TENM4: variants seen among roughly 807,000 people sequenced by gnomAD.
The protein encoded by TENM4 is teneurin transmembrane protein 4, also known as teneurin-4.
Under a neutral mutation model 243.3 loss-of-function variants are expected in TENM4, and 82 were observed. The observed-to-expected ratio is 0.34, with a 90% CI of 0.28 to 0.40. The LOEUF is 0.40. Among genes scored for constraint, TENM4 ranks in the 10% least tolerant of loss-of-function variants. TENM4 has a pLI of 1.00. For missense variants in TENM4, 3,138 were observed against 3,673.3 expected (o/e 0.85, Z 3.77); for synonymous variants, 1,412 against 1,456.3 (o/e 0.97, Z 0.69).
intron 4 of TENM4, among the ~76,000 whole-genome samples, chr11:79,124,457 C>G (rs1246997194): frequency 6.6e-6 from 1 of 152,086 alleles, no homozygotes. Context: ...TGGATGCTTC[C>G]TGGCCTCAAA....
chr11:78,683,655 A>T (rs972817376), intron 29 of TENM4, among the ~76,000 whole-genome samples: 1 of 142,366 alleles, frequency 7.0e-6, no homozygotes, highest in Non-Finnish European at 1.5e-5. Flanking sequence ...GTGCGCGCAC[A>T]CACTGGCCTG....
chr11:78,746,331 A>G (rs998315691), intron 19 of TENM4, among the ~76,000 whole-genome samples: 1 of 152,236 alleles, frequency 6.6e-6, no homozygotes, highest in Admixed American at 6.5e-5. Flanking sequence ...TAGTGTCTTC[A>G]GGGACCTGAG....
At chr11:79,140,565 T>G (rs1862268135) in intron 4 of TENM4, among the ~76,000 whole-genome samples, 1 of 152,110 alleles carries the variant, frequency 6.6e-6, no homozygotes, top group Admixed American at 6.6e-5. Flanking sequence ...TTCCCTTTTC[T>G]GGGCTGCTCT....
At chr11:78,971,081 AG>A (rs1217197133) in intron 6 of TENM4, among the ~76,000 whole-genome samples, 1 of 152,128 alleles carries the variant, frequency 6.6e-6, no homozygotes, top group East Asian at 1.9e-4. Flanking sequence ...GGCTATTCAC[AG>A]GCACAATCAC....
intron 1 of TENM4, among the ~76,000 whole-genome samples, chr11:79,357,611 C>A (rs1464844747): frequency 6.6e-6 from 1 of 152,214 alleles, no homozygotes; most frequent in Non-Finnish European, 1.5e-5. Flanking sequence ...CTTTGCAGTT[C>A]TCAAAGCATG....
chr11:79,264,239 C>A (rs933619898), intron 2 of TENM4, among the ~76,000 whole-genome samples: 1 of 152,254 alleles, frequency 6.6e-6, no homozygotes, highest in African/African-American at 2.4e-5. Context: ...TCCCAAGCTA[C>A]CCGGGCTCAA....
chr11:78,928,164 G>C (rs902807634), intron 6 of TENM4, among the ~76,000 whole-genome samples: 1 of 152,156 alleles, frequency 6.6e-6, no homozygotes, highest in African/African-American at 2.4e-5. Flanking sequence ...TTACTCTGCA[G>C]CTCTTTAAAC....
intron 1 of TENM4, among the ~76,000 whole-genome samples, chr11:79,343,706 T>C (rs1249538018): frequency 5.3e-5 from 8 of 152,194 alleles, no homozygotes; most frequent in African/African-American, 1.9e-4. Context: ...ATCTCCACTT[T>C]CTTCTCTGTG....
intron 9 of TENM4, among the ~76,000 whole-genome samples, chr11:78,869,229 CA>C (rs569002622): frequency 6.6e-6 from 1 of 151,972 alleles, no homozygotes; most frequent in Non-Finnish European, 1.5e-5. Flanking sequence ...GCAATCATTA[CA>C]AAAAATAACT....
chr11:78,955,760 C>T (rs1857197146), intron 6 of TENM4, among the ~76,000 whole-genome samples: 1 of 152,282 alleles, frequency 6.6e-6, no homozygotes, highest in South Asian at 2.1e-4. Flanking sequence ...TCCTAGAAAG[C>T]CAATGTGGCA....
chr11:79,338,991 C>T (rs1318302), intron 1 of TENM4, among the ~76,000 whole-genome samples: 10,209 of 152,224 alleles, frequency 0.067, 392 homozygotes, highest in African/African-American at 0.07. Context: ...AGCCTTGAAG[C>T]GGGAGATGAT....
chr11:78,859,679 A>G, intron 10 of TENM4, among the ~76,000 whole-genome samples: 1 of 152,230 alleles, frequency 6.6e-6, no homozygotes, highest in East Asian at 1.9e-4. Flanking sequence ...TTTTCAATGC[A>G]ATAACTTGCA....
intron 12 of TENM4, among the ~76,000 whole-genome samples, chr11:78,850,974 C>G (rs1858523778): frequency 6.6e-6 from 1 of 152,168 alleles, no homozygotes; most frequent in Admixed American, 6.5e-5. Context: ...TGACAGAACA[C>G]CAGAATCAGG....
At chr11:78,963,330 G>A (rs1160852404) in intron 6 of TENM4, among the ~76,000 whole-genome samples, 1 of 152,168 alleles carries the variant, frequency 6.6e-6, no homozygotes, top group Non-Finnish European at 1.5e-5. Flanking sequence ...CAAGAACTTT[G>A]AGCTCAGACA....
intron 2 of TENM4, among the ~76,000 whole-genome samples, chr11:79,246,672 T>C (rs1342186868): frequency 2.0e-5 from 3 of 152,098 alleles, no homozygotes; most frequent in African/African-American, 4.8e-5. Context: ...GAGATATGTA[T>C]TGGATGATTC....
At chr11:78,696,392 T>C (rs1232611520) in intron 28 of TENM4, among the ~76,000 whole-genome samples, 1 of 152,192 alleles carries the variant, frequency 6.6e-6, no homozygotes, top group East Asian at 1.9e-4. Flanking sequence ...ATTCTGATGA[T>C]TTCTTTGCCT....
rs543875079 is a variant in TENM4, at chr11:79,167,625, G to C, written c.-162-18819C>G. Among the ~76,000 whole-genome samples the C allele has an allele frequency of 1.2e-4, 18 of 152,298 alleles. No homozygotes were observed. In the East Asian group the frequency reaches 3.5e-3, roughly 29 times the overall value. The stretch of plus-strand genomic sequence containing the variant: ...ACCACATTCTCGTGTATTTAGAAAG[G>C]TCCACTCCGACTGCCAGAAGGCTCC... On this transcript the variant is annotated intron_variant, in intron 3 of 33. Transcript: ENST00000278550.
chr11:79,340,246 A>T, intron 1 of TENM4, among the ~76,000 whole-genome samples: 1 of 152,276 alleles, frequency 6.6e-6, no homozygotes, highest in African/African-American at 2.4e-5. Context: ...ATAAAGGGGC[A>T]TTGGGTCTTG....
At chr11:78,688,283 C>T (rs1858735816) in intron 28 of TENM4, 57 bp from the exon 29 acceptor site, 1 of 1,554,616 alleles carries the variant, frequency 6.4e-7, no homozygotes, top group Non-Finnish European at 8.7e-7. Context: ...CTAGCTGGAA[C>T]TTGGTGCATT....
Sources: allele counts gnomAD v4.1 joint callset (sites outside exome capture counted in the v4.1 genomes callset), GRCh38; gene constraint gnomAD v4.1.1; transcripts MANE v1.5; gene names NCBI Gene and HGNC (gene_info 2026-07-23, HGNC 2026-07-21).